The following MBD5 variants were observed in gnomAD, a reference collection of about 807,000 sequenced individuals.
MBD5 encodes the protein methyl-CpG binding domain protein 5.
MBD5 carries 13 observed loss-of-function variants against 117.3 expected under a neutral mutation model. The ratio of observed to expected loss-of-function variants is 0.11; its 90% CI spans 0.07 to 0.18. The LOEUF is 0.18. MBD5 is among the 10% of genes least tolerant of loss of function. MBD5 has a pLI of 1.00. For missense variants in MBD5, 1,879 were observed against 2,093.8 expected, an observed-to-expected ratio of 0.90 and a Z score of 2.00; for synonymous variants, 727 against 766.4, an observed-to-expected ratio of 0.95 and a Z score of 0.85.
intron 4 of MBD5, among the ~76,000 whole-genome samples, chr2:148,446,220 T>C (rs1372187359): frequency 2.0e-5 from 3 of 152,106 alleles, no homozygotes; most frequent in Non-Finnish European, 4.4e-5. Context: ...GCCTATGTCC[T>C]GAATGGTATT....
chr2:148,280,131 C>CAAAAAAAAAAAAAAAAAAAAAAAAAGAAA (rs3076398), intron 3 of MBD5, among the ~76,000 whole-genome samples: 1 of 91,886 alleles, frequency 1.1e-5, no homozygotes, highest in African/African-American at 4.0e-5. Flanking sequence ...AAACTAACTG[C>CAAAAAAAAAAAAAAAAAAAAAAAAAGAAA]AAAAAAAAAA....
intron 1 of MBD5, among the ~76,000 whole-genome samples, chr2:148,051,601 T>TTAAG (rs1694703024): frequency 1.1e-5 from 1 of 92,892 alleles, no homozygotes; most frequent in Non-Finnish European, 2.2e-5. Flanking sequence ...GTTCTGTTTG[T>TTAAG]TGAGTGTGTG....
At chr2:148,282,452 C>T (rs944750529) in intron 3 of MBD5, among the ~76,000 whole-genome samples, 2 of 151,962 alleles carry the variant, frequency 1.3e-5, no homozygotes, top group Non-Finnish European at 2.9e-5. Context: ...ACCTTTGTTT[C>T]CTCATCTGTA....
intron 4 of MBD5, among the ~76,000 whole-genome samples, chr2:148,363,788 A>G (rs1373192241): frequency 6.6e-6 from 1 of 152,200 alleles, no homozygotes; most frequent in Non-Finnish European, 1.5e-5. Context: ...TGAAGACTAG[A>G]TTAGAGAAAA....
At chr2:148,396,407 A>C (rs1559053701) in intron 4 of MBD5, among the ~76,000 whole-genome samples, 1 of 152,202 alleles carries the variant, frequency 6.6e-6, no homozygotes. Flanking sequence ...GCTTTCTTCC[A>C]CAAATGTTCC....
At chr2:148,225,819 G>A (rs1479821781) in intron 2 of MBD5, among the ~76,000 whole-genome samples, 1 of 152,170 alleles carries the variant, frequency 6.6e-6, no homozygotes, top group African/African-American at 2.4e-5. Flanking sequence ...AAATTCTGCT[G>A]TCAGATATAT....
intron 4 of MBD5, among the ~76,000 whole-genome samples, chr2:148,452,425 G>A (rs942003024): frequency 9.2e-5 from 14 of 152,184 alleles, no homozygotes; most frequent in African/African-American, 2.6e-4. Flanking sequence ...GCTTGAGCCC[G>A]GGAAGTCAAA....
At chr2:148,473,498 A>G (rs1454106125) in intron 8 of MBD5, among the ~76,000 whole-genome samples, 1 of 152,172 alleles carries the variant, frequency 6.6e-6, no homozygotes, top group Non-Finnish European at 1.5e-5. Flanking sequence ...TGCTCAATCC[A>G]GTGCCTTTTT....
At chr2:148,146,320 A>G (rs1697462411) in intron 1 of MBD5, among the ~76,000 whole-genome samples, 2 of 152,060 alleles carry the variant, frequency 1.3e-5, no homozygotes, top group African/African-American at 4.8e-5. Flanking sequence ...AGTACATATT[A>G]TGATCATGGC....
At chr2:148,322,163 T>C (rs1363736903) in intron 3 of MBD5, among the ~76,000 whole-genome samples, 4 of 152,230 alleles carry the variant, frequency 2.6e-5, no homozygotes, top group East Asian at 1.9e-4. Context: ...TAAAGTGATA[T>C]GTATTCATAA....
intron 4 of MBD5, among the ~76,000 whole-genome samples, chr2:148,372,329 T>A (rs1268718502): frequency 6.6e-6 from 1 of 152,120 alleles, no homozygotes; most frequent in Non-Finnish European, 1.5e-5. Flanking sequence ...TAATGAAGAT[T>A]TTTTCCTAAG....
intron 3 of MBD5, among the ~76,000 whole-genome samples, chr2:148,305,048 G>A (rs1701860031): frequency 6.7e-6 from 1 of 150,140 alleles, no homozygotes; most frequent in East Asian, 1.9e-4. Flanking sequence ...CTGGGCGACA[G>A]AGCGAGACTC....
At chr2:148,461,778 T>G (rs1485929108) in intron 5 of MBD5, among the ~76,000 whole-genome samples, 1 of 152,256 alleles carries the variant, frequency 6.6e-6, no homozygotes, top group Non-Finnish European at 1.5e-5. Context: ...TCTTGTCATC[T>G]GAATTACTAC....
At chr2:148,432,591 A>G (rs1706023601) in intron 4 of MBD5, among the ~76,000 whole-genome samples, 2 of 151,980 alleles carry the variant, frequency 1.3e-5, no homozygotes. Flanking sequence ...ATATGGCTAG[A>G]CAATTATCCC....
intron 10 of MBD5, among the ~76,000 whole-genome samples, chr2:148,488,749 A>C (rs1454416360): frequency 6.6e-6 from 1 of 152,002 alleles, no homozygotes; most frequent in Admixed American, 6.6e-5. Context: ...CTCCCCTGGT[A>C]AGTATGCTCT....
At chr2:148,202,633 A>G (rs962631025) in intron 2 of MBD5, among the ~76,000 whole-genome samples, 1 of 152,190 alleles carries the variant, frequency 6.6e-6, no homozygotes, top group South Asian at 2.1e-4. Flanking sequence ...TGAGTTTTGC[A>G]CTTGGGATTG....
chr2:148,474,592 G>A (rs1680900831), intron 8 of MBD5, among the ~76,000 whole-genome samples: 1 of 151,852 alleles, frequency 6.6e-6, no homozygotes. Context: ...ATCCTCTGAG[G>A]GGACACGGTA....
intron 1 of MBD5, among the ~76,000 whole-genome samples, chr2:148,082,686 ACTCAATTATAC>A (rs1349972029): frequency 6.6e-6 from 1 of 152,140 alleles, no homozygotes; most frequent in African/African-American, 2.4e-5. Context: ...CACATCTACA[ACTCAATTATAC>A]CTCCGTGACT....
intron 4 of MBD5, among the ~76,000 whole-genome samples, chr2:148,381,988 T>C (rs1204581840): frequency 2.6e-5 from 4 of 152,150 alleles, no homozygotes; most frequent in Non-Finnish European, 5.9e-5. Flanking sequence ...CAACCGGTAC[T>C]AGCCACTGCA....
Sources: allele counts gnomAD v4.1 joint callset (sites outside exome capture counted in the v4.1 genomes callset), GRCh38; gene constraint gnomAD v4.1.1; transcripts MANE v1.5; gene names NCBI Gene and HGNC (gene_info 2026-07-23, HGNC 2026-07-21).